Variants in LRRC49 observed in about 807,000 individuals in gnomAD.
LRRC49 encodes the protein leucine-rich repeat-containing protein 49.
Under a neutral mutation model 83.3 loss-of-function variants are expected in LRRC49, and 50 were observed. The observed-to-expected ratio is 0.60, with a 90% CI of 0.48 to 0.76. LRRC49 has a LOEUF of 0.76. Among genes scored for constraint, LRRC49 ranks in the 30% least tolerant of loss-of-function variants. The pLI is 0.00. For missense variants in LRRC49, 704 were observed against 809.1 expected, an observed-to-expected ratio of 0.87 and a Z score of 1.58; for synonymous variants, 286 against 283.3, an observed-to-expected ratio of 1.01 and a Z score of -0.10.
At chr15:70,933,223 A>G (rs2035478149) in intron 7 of LRRC49, among the ~76,000 whole-genome samples, 1 of 152,138 alleles carries the variant, frequency 6.6e-6, no homozygotes, top group African/African-American at 2.4e-5. Flanking sequence ...ATAGTTTTGA[A>G]TTTTACTTCA....
chr15:71,023,323 G>C (rs2039051693), intron 14 of LRRC49, among the ~76,000 whole-genome samples: 1 of 152,212 alleles, frequency 6.6e-6, no homozygotes, highest in Non-Finnish European at 1.5e-5. Context: ...AGCTGATTAT[G>C]TGAAAAGACT....
intron 14 of LRRC49, among the ~76,000 whole-genome samples, chr15:71,036,901 GT>G (rs1004982847): frequency 1.3e-4 from 20 of 152,104 alleles, no homozygotes; most frequent in African/African-American, 3.9e-4. Flanking sequence ...ATTAATTTTT[GT>G]GTTGATTTTT....
chr15:70,892,586 G>A, upstream of LRRC49: 1 of 1,474,068 alleles, frequency 6.8e-7, no homozygotes, highest in Non-Finnish European at 9.0e-7. Context: ...AGTGGTGGTG[G>A]TTATAGCAAC....
At chr15:70,889,564 A>T (rs2033500050), upstream of LRRC49, among the ~76,000 whole-genome samples, 1 of 152,238 alleles carries the variant, frequency 6.6e-6, no homozygotes, top group Non-Finnish European at 1.5e-5. Flanking sequence ...AGTTCAAGTC[A>T]ACAATTTAAA....
At chr15:70,967,892 A>G (rs2036846073) in intron 9 of LRRC49, among the ~76,000 whole-genome samples, 1 of 152,008 alleles carries the variant, frequency 6.6e-6, no homozygotes. Flanking sequence ...TGAACCACTG[A>G]GAGTTTTGTC....
intron 9 of LRRC49, among the ~76,000 whole-genome samples, chr15:70,971,417 T>C (rs1405945182): frequency 3.9e-5 from 6 of 152,218 alleles, no homozygotes; most frequent in African/African-American, 7.2e-5. Flanking sequence ...ATAAGTACGA[T>C]GTGGTGCTGA....
Position 70,946,601 on chromosome 15 carries a change from A to G in LRRC49, c.773+9779A>G, listed in dbSNP as rs551754063. 2.0e-5 allele frequency among the ~76,000 whole-genome samples: 3 copies of G among 152,284 alleles called. No homozygotes were observed. In the East Asian group the frequency reaches 5.8e-4, roughly 29 times the overall value. On this transcript the variant is annotated intron_variant, in intron 8 of 15. Transcript: ENST00000260382. The stretch of plus-strand genomic sequence containing the variant: ...ATACTAATTTTATTTCCTTCAGAAT[A>G]TACCTGGAAATGGGATTGCTGGTTC...
In LRRC49 at chr15:70,871,571, G is replaced by A. The variant is rs1360209696; in HGVS notation, c.-298-1337G>A. Among the ~76,000 whole-genome samples the A allele has an allele frequency of 1.7e-4, 26 of 151,550 alleles. 1 individual carries two copies. The highest frequency in any genetic ancestry group is 1.6e-3 in the Admixed American group (25 of 15,232). ...CACCTCCCGAACGGCGCGGCTGGCCGGGCGGGGGCTGCCCCCCACCTCCTG... is the reference window on the plus strand; with the variant it reads ...CACCTCCCGAACGGCGCGGCTGGCCAGGCGGGGGCTGCCCCCCACCTCCTG... On this transcript the variant is annotated intron_variant, in intron 1 of 16. Coordinates refer to the LRRC49 transcript ENST00000544974.
At chr15:70,924,238 A>G (rs1300181627) in intron 7 of LRRC49, among the ~76,000 whole-genome samples, 2 of 151,956 alleles carry the variant, frequency 1.3e-5, no homozygotes, top group African/African-American at 4.8e-5. Flanking sequence ...AAAAGAATGC[A>G]TAGCCCCCCT....
intron 8 of LRRC49, among the ~76,000 whole-genome samples, chr15:70,949,929 C>G (rs1321376595): frequency 6.6e-6 from 1 of 152,044 alleles, no homozygotes; most frequent in African/African-American, 2.4e-5. Context: ...GAGCACAGTA[C>G]CAGATAGGCG....
Position 70,870,948 on chromosome 15 carries a change from T to TG in LRRC49, c.-298-1960_-298-1959insG, listed in dbSNP as rs2033014744. ...GGGACTGATTCTGCCATGCTTAGTT[T>TG]TTTTTTTTTTTTTTTTTAGTATTTA... On this transcript the variant is annotated intron_variant, in intron 1 of 16. Transcript: ENST00000544974. Among the ~76,000 whole-genome samples the TG allele has an allele frequency of 3.0e-5, 3 of 99,374 alleles. No individual in the cohort carries two copies. In the Admixed American group the frequency reaches 4.1e-4, roughly 14 times the overall value. 65.2% of individuals were successfully genotyped at this position (99,374 alleles called of 152,430 possible). A position where few individuals can be genotyped will look rare whatever the true frequency, so the allele number is the denominator to read the frequency against.
intron 15 of LRRC49, chr15:71,048,627 C>A (rs1334487696): frequency 2.7e-6 from 1 of 368,446 alleles, no homozygotes; most frequent in Admixed American, 3.5e-5. Flanking sequence ...TGCCTTGATA[C>A]TATTCAGAAG....
At chr15:71,035,220 T>C (rs962259178) in intron 14 of LRRC49, among the ~76,000 whole-genome samples, 2 of 152,142 alleles carry the variant, frequency 1.3e-5, no homozygotes, top group African/African-American at 4.8e-5. Context: ...AAAATACTTA[T>C]ATAGCATTAA....
chr15:71,010,485 G>A (rs980525550), intron 13 of LRRC49, among the ~76,000 whole-genome samples: 1 of 151,224 alleles, frequency 6.6e-6, no homozygotes, highest in African/African-American at 2.4e-5. Flanking sequence ...AGATGAAAAG[G>A]AGAAATAAGC....
At chr15:70,869,241 A>G (rs1459994958) in intron 1 of LRRC49, among the ~76,000 whole-genome samples, 3 of 152,228 alleles carry the variant, frequency 2.0e-5, no homozygotes, top group African/African-American at 7.2e-5. Context: ...ATATCAACTA[A>G]GGAAACACAC....
At chr15:70,937,445 C>T (rs1438696619) in intron 8 of LRRC49, among the ~76,000 whole-genome samples, 1 of 152,152 alleles carries the variant, frequency 6.6e-6, no homozygotes, top group African/African-American at 2.4e-5. Flanking sequence ...CCTACTTTTT[C>T]CCTAATTCTT....
chr15:71,036,821 T>A (rs948839570), intron 14 of LRRC49, among the ~76,000 whole-genome samples: 2 of 152,182 alleles, frequency 1.3e-5, no homozygotes, highest in Non-Finnish European at 2.9e-5. Context: ...GTAATTAGCA[T>A]GTTTTATGGG....
At chr15:70,887,714 G>A (rs75937901), upstream of LRRC49, among the ~76,000 whole-genome samples, 977 of 152,224 alleles carry the variant, frequency 6.4e-3, 14 homozygotes, top group African/African-American at 0.021. Context: ...CACCTCTTCT[G>A]TTCCCACACT....
chr15:71,012,823 T>C lies in LRRC49; in HGVS notation c.1613T>C (p.Ile538Thr), dbSNP rs1472158444. 1 of 1,611,822 alleles carries C rather than the reference T, an allele frequency of 6.2e-7. No homozygotes were observed. The highest frequency in any genetic ancestry group is 8.5e-7 in the Non-Finnish European group (1 of 1,178,398). The change falls in exon 14 of 16, where the codon ATA becomes ACA. Residue 538 changes from isoleucine (I) to threonine (T), a missense_variant. By Grantham distance (89) the Ile-to-Thr change is moderately conservative (BLOSUM62 -1). Transcript: ENST00000260382. ...NGTEVTQNDM[I>T]MAERLFGILA... ...CTTCAGGTGACACAGAATGATATGA[T>C]AATGGCTGAAAGGCTCTTTGGAATC...
Sources: allele counts gnomAD v4.1 joint callset (sites outside exome capture counted in the v4.1 genomes callset), GRCh38; gene constraint gnomAD v4.1.1; transcripts MANE v1.5; gene names NCBI Gene and HGNC (gene_info 2026-07-23, HGNC 2026-07-21).